STARD3: variants seen among roughly 807,000 people sequenced by gnomAD.
STARD3 encodes stAR-related lipid transfer protein 3.
A neutral mutation model predicts 62.0 loss-of-function variants in STARD3; 39 were observed. The ratio of observed to expected loss-of-function variants is 0.63; its 90% CI spans 0.49 to 0.82. The LOEUF (loss-of-function observed/expected upper bound fraction) is 0.82, where lower values mean the gene tolerates loss of function less well. Among genes scored for constraint, STARD3 ranks in the 40% least tolerant of loss-of-function variants. The pLI is 0.00. For missense variants in STARD3, 543 were observed against 584.5 expected (o/e 0.93, Z 0.73); for synonymous variants, 229 against 242.4 (o/e 0.94, Z 0.51).
intron 3 of STARD3, 84 bp from the exon 4 acceptor site, chr17:39,657,691 G>A (rs1416940522): frequency 6.8e-7 from 1 of 1,474,414 alleles, no homozygotes; most frequent in Non-Finnish European, 9.5e-7. Context: ...GGGAACGTGG[G>A]GGCAGGACCA....
chr17:39,637,848 G>T (rs1290494674), intron 1 of STARD3, among the ~76,000 whole-genome samples: 1 of 151,852 alleles, frequency 6.6e-6, no homozygotes, highest in East Asian at 1.9e-4. Flanking sequence ...TTCCTCTGTC[G>T]CCCAACCCCT....
In STARD3 at chr17:39,662,268, G is replaced by C. The variant is rs767526939; in HGVS notation, c.1157G>C (p.Gly386Ala). 2.5e-6 allele frequency: 4 copies of C among 1,613,932 alleles called. No homozygotes were observed. In the South Asian group the frequency reaches 4.4e-5, roughly 18 times the overall value. The change falls in exon 14 of 15, where the codon GGG (glycine) becomes GCG (alanine). Residue 386 changes from glycine to alanine, a missense_variant. Physicochemically the swap from Gly to Ala is moderately conservative, Grantham distance 60. Coordinates refer to ENST00000336308, the MANE Select transcript of STARD3 (RefSeq NM_006804.4). ...TTCCATAGGGGAGAGAATGGCCCTG[G>C]GGGCTTCATCGTGCTCAAGTCGGCC... is the stretch of plus-strand genomic sequence containing the variant. The part of the protein sequence containing the change: ...HKYVRGENGP[G>A]GFIVLKSASN...
In STARD3 at chr17:39,657,018, G is replaced by A; in HGVS notation, c.230G>A (p.Gly77Asp). 1 of 1,614,126 alleles carries A rather than the reference G, an allele frequency of 6.2e-7. No homozygotes were observed. The highest frequency in any genetic ancestry group is 8.5e-7 in the Non-Finnish European group (1 of 1,180,018). ...GTCTCCCTCTCACAGACCAACACAG[G>A]CATCCGTAAGAACTTGGAGCAGGAG... is the stretch of plus-strand genomic sequence containing the variant. ...LWIIELNTNT[G>D]IRKNLEQEII... is the part of the protein sequence containing the mutation. The change falls in exon 3 of 15, where the codon GGC becomes GAC. Residue 77 changes from glycine (G) to aspartate (D), a missense_variant. Physicochemically the swap from Gly to Asp is moderately conservative, Grantham distance 94. Coordinates refer to ENST00000336308, the MANE Select transcript of STARD3 (RefSeq NM_006804.4).
chr17:39,658,246 AC>A, intron 5 of STARD3, 158 bp from the exon 6 acceptor site: 1 of 828,286 alleles, frequency 1.2e-6, no homozygotes. Flanking sequence ...CTCCAGCCTA[AC>A]CCCAGTTTAT....
chr17:39,644,672 C>CAAAAAA (rs3029516), intron 1 of STARD3, among the ~76,000 whole-genome samples: 1 of 112,498 alleles, frequency 8.9e-6, no homozygotes, highest in African/African-American at 3.8e-5. Flanking sequence ...CCTGTCTCTA[C>CAAAAAA]AAAAAAAAAA....
Position 39,660,315 on chromosome 17 carries a change from A to C in STARD3, c.858+42A>C. ...GGTGTCCTGGAGCCCCAGACAGCAC[A>C]GGAGGCTCCAGGAAGGTGCCGAGGG... On this transcript the variant is annotated intron_variant, in intron 10 of 14. Coordinates refer to ENST00000336308, the MANE Select transcript of STARD3 (RefSeq NM_006804.4). The surrounding 1 kb of genome is among the most constrained non-coding windows in gnomAD (Gnocchi z 4.8). 6.2e-7 allele frequency: 1 copy of C among 1,613,042 alleles called. No individual in the cohort carries two copies. The highest frequency in any genetic ancestry group is 8.5e-7 in the Non-Finnish European group (1 of 1,179,302).
chr17:39,659,026 T>C, intron 7 of STARD3, 25 bp from the exon 8 acceptor site: 4 of 1,614,106 alleles, frequency 2.5e-6, no homozygotes, highest in Non-Finnish European at 3.4e-6. Context: ...CCCTTGCCAT[T>C]GTCATCTGTG....
intron 1 of STARD3, among the ~76,000 whole-genome samples, chr17:39,640,113 C>A (rs777393357): frequency 6.6e-6 from 1 of 152,226 alleles, no homozygotes; most frequent in Non-Finnish European, 1.5e-5. Context: ...CCCTTGGAAC[C>A]CGCATGTTGC....
Position 39,660,707 on chromosome 17 carries a change from C to T in STARD3, c.955-103C>T, listed in dbSNP as rs779431491. ...AGTGCTCATCAGGCGCTGCCCAGGG[C>T]CTGCCTGTGGCAATAGCAGTTAGTA... On this transcript the variant is annotated intron_variant, in intron 11 of 14. Transcript: ENST00000336308. The surrounding 1 kb of genome is among the most constrained non-coding windows in gnomAD (Gnocchi z 4.8). 4.9e-5 allele frequency: 70 copies of T among 1,436,300 alleles called. No individual in the cohort carries two copies. The highest frequency in any genetic ancestry group is 6.3e-5 in the Non-Finnish European group (66 of 1,048,766). The allele number at this position is 1,436,300 out of a possible 1,614,324, so 89.0% of individuals were successfully genotyped here.
intron 1 of STARD3, among the ~76,000 whole-genome samples, chr17:39,650,038 C>A (rs1329048199): frequency 6.6e-6 from 1 of 152,004 alleles, no homozygotes; most frequent in Non-Finnish European, 1.5e-5. Context: ...TCAAGAACAC[C>A]CCATCTCTTA....
intron 1 of STARD3, among the ~76,000 whole-genome samples, chr17:39,644,421 C>T (rs975189978): frequency 2.0e-5 from 3 of 152,056 alleles, no homozygotes; most frequent in South Asian, 2.1e-4. Flanking sequence ...GTCCTAGGCA[C>T]GCTATAGTTA....
intron 1 of STARD3, among the ~76,000 whole-genome samples, chr17:39,645,384 G>A (rs189471403): frequency 1.3e-3 from 201 of 152,296 alleles, no homozygotes; most frequent in Admixed American, 3.5e-3. Flanking sequence ...TTGAACCCAC[G>A]CCTTTTGGGG....
chr17:39,658,044 T>G lies in STARD3; in HGVS notation c.429+18T>G, dbSNP rs767984623. 5.2e-6 allele frequency: 8 copies of G among 1,553,306 alleles called. No individual in the cohort carries two copies. Among genetic ancestry groups the G allele is most frequent in the Middle Eastern group, 1.7e-4 (1 of 5,950 alleles). On this transcript the variant is annotated intron_variant, in intron 5 of 14. Transcript: ENST00000336308. The stretch of plus-strand genomic sequence containing the variant: ...TCTCTGAGGTCAGTGGCTCAGGGTC[T>G]GGCCAGTCTGGTGGGCATCAGACCT...
intron 13 of STARD3, among the ~76,000 whole-genome samples, chr17:39,661,548 T>C (rs1241342310): frequency 2.6e-5 from 4 of 152,190 alleles, no homozygotes; most frequent in Non-Finnish European, 5.9e-5. Flanking sequence ...ATAAAGGGAT[T>C]ATGGCCTTCC....
At chr17:39,639,547 T>A (rs2040761787) in intron 1 of STARD3, among the ~76,000 whole-genome samples, 1 of 152,200 alleles carries the variant, frequency 6.6e-6, no homozygotes, top group South Asian at 2.1e-4. Flanking sequence ...CTGGGTCCTC[T>A]GAACAGAGCT....
chr17:39,648,789 C>A (rs918690857), intron 1 of STARD3, among the ~76,000 whole-genome samples: 1 of 152,236 alleles, frequency 6.6e-6, no homozygotes, highest in Non-Finnish European at 1.5e-5. Flanking sequence ...CCCGCAACAC[C>A]TCTGCTCTAG....
Position 39,663,941 on chromosome 17 carries a change from C to T in STARD3, c.*1033C>T, listed in dbSNP as rs151239544. 9.1e-4 allele frequency among the ~76,000 whole-genome samples: 139 copies of T among 152,206 alleles called. No homozygotes were observed. Among genetic ancestry groups the T allele is most frequent in the African/African-American group, 3.3e-3 (137 of 41,520 alleles). On this transcript the variant is annotated 3_prime_UTR_variant, in exon 15 of 15. Transcript: ENST00000336308. ...CCCCGCACGGCACTCACACCAGGGG[C>T]GGCCTGGAGCCCGGATCGCAGGGCG...
chr17:39,655,349 ATT>A (rs60170620), intron 2 of STARD3, among the ~76,000 whole-genome samples: 11 of 141,170 alleles, frequency 7.8e-5, no homozygotes, highest in East Asian at 2.1e-4. Flanking sequence ...ACATTTGGCT[ATT>A]TTTTTTTTTT....
rs544453062 is a variant in STARD3, at chr17:39,663,195, G to A, written c.*287G>A. Reference sequence around the variant, plus strand: ...CTCTGCCCCACCTTGCCAGGGCAGGGTCTGGGCTGGGCACCTGACTTGGCT... The same window carrying A: ...CTCTGCCCCACCTTGCCAGGGCAGGATCTGGGCTGGGCACCTGACTTGGCT... On this transcript the variant is annotated 3_prime_UTR_variant, in exon 15 of 15. Coordinates refer to ENST00000336308, the MANE Select transcript of STARD3 (RefSeq NM_006804.4). The A allele has an allele frequency of 3.5e-5, 15 of 431,808 alleles. No homozygotes were observed. The South Asian group carries it at 9.5e-4, about 27-fold the overall frequency. The allele number at this position is 431,808 out of a possible 1,614,324, so 26.7% of individuals were successfully genotyped here.
Sources: gnomAD v4.1 joint callset for allele counts (sites outside exome capture counted in the v4.1 genomes callset) on GRCh38, gnomAD v4.1.1 for gene constraint, Gnocchi (gnomAD v3.1) non-coding constraint, MANE v1.5 for transcripts, NCBI Gene and HGNC (gene_info 2026-07-23, HGNC 2026-07-21) for gene names.